ACSL3: variants seen among roughly 807,000 people sequenced by gnomAD.
The protein encoded by ACSL3 is acyl-CoA synthetase long chain family member 3.
In ACSL3, 34 loss-of-function variants were observed where a neutral mutation model predicts 84.7. The observed-to-expected ratio is 0.40, with a 90% CI of 0.31 to 0.53. The LOEUF is 0.53. Ranked by LOEUF, ACSL3 falls within the 20% of genes least tolerant of loss-of-function variation. The pLI, the probability that ACSL3 is intolerant of heterozygous loss-of-function variation, is 0.48. For missense variants in ACSL3, 680 were observed against 873.1 expected, an observed-to-expected ratio of 0.78 and a Z score of 2.79; for synonymous variants, 315 against 299.4, an observed-to-expected ratio of 1.05 and a Z score of -0.54.
intron 1 of ACSL3, among the ~76,000 whole-genome samples, chr2:222,876,812 C>T (rs930409249): frequency 2.6e-5 from 4 of 151,340 alleles, no homozygotes; most frequent in African/African-American, 9.7e-5. Context: ...GACAGAAAAG[C>T]AAAGTTAAAA....
intron 1 of ACSL3, among the ~76,000 whole-genome samples, chr2:222,870,378 A>G (rs1484858195): frequency 1.3e-5 from 2 of 152,170 alleles, no homozygotes; most frequent in African/African-American, 2.4e-5. Flanking sequence ...CAAGATTCTC[A>G]TGGAAACCAT....
At position 222,942,546 on chromosome 2, in the gene ACSL3, A is replaced by G. The variant is rs1178423836; in HGVS notation, c.*892A>G. On this transcript the variant is annotated 3_prime_UTR_variant, in exon 17 of 17. Transcript: ENST00000357430. ...TTATTCTTTGAATATTTCGTTGACT[A>G]TATGTACATTGAGTTATCTATATTT... is the stretch of plus-strand genomic sequence containing the variant. The G allele has an allele frequency of 5.1e-6, 1 of 194,464 alleles. No individual in the cohort carries two copies. The highest frequency in any genetic ancestry group is 2.3e-5 in the African/African-American group (1 of 43,220). The allele number at this position is 194,464 out of a possible 1,614,324, so 12.0% of individuals were successfully genotyped here.
At chr2:222,883,039 A>G (rs944045374) in intron 1 of ACSL3, among the ~76,000 whole-genome samples, 4 of 151,932 alleles carry the variant, frequency 2.6e-5, no homozygotes, top group African/African-American at 9.7e-5. Context: ...AAGTGCTGGG[A>G]TTACAGGCAT....
intron 6 of ACSL3, 115 bp downstream of exon 6, chr2:222,918,270 T>G (rs1211483801): frequency 1.9e-6 from 1 of 539,598 alleles, no homozygotes; most frequent in Non-Finnish European, 3.2e-6. Context: ...CTTTGTGGAC[T>G]TTTATGAATA....
chr2:222,926,111 A>G (rs996022959), intron 11 of ACSL3, among the ~76,000 whole-genome samples: 4 of 152,222 alleles, frequency 2.6e-5, no homozygotes, highest in Non-Finnish European at 5.9e-5. Context: ...ATTCTGGGGA[A>G]AAAACAATAA....
intron 1 of ACSL3, among the ~76,000 whole-genome samples, chr2:222,869,268 T>G (rs919257733): frequency 4.6e-5 from 7 of 152,198 alleles, no homozygotes; most frequent in Admixed American, 2.0e-4. Context: ...AGCCTTCCAT[T>G]TCAATTTCTG....
chr2:222,939,268 C>T (rs1177745752), intron 16 of ACSL3, among the ~76,000 whole-genome samples: 1 of 152,160 alleles, frequency 6.6e-6, no homozygotes, highest in East Asian at 1.9e-4. Flanking sequence ...AGGACTTTGT[C>T]CAGTCAGCCC....
At chr2:222,874,277 G>A (rs998771588) in intron 1 of ACSL3, among the ~76,000 whole-genome samples, 1 of 152,104 alleles carries the variant, frequency 6.6e-6, no homozygotes, top group Non-Finnish European at 1.5e-5. Flanking sequence ...CGTCTGCCTC[G>A]GTCTCCCAAG....
intron 2 of ACSL3, among the ~76,000 whole-genome samples, chr2:222,889,990 A>G (rs938322841): frequency 2.6e-5 from 4 of 152,246 alleles, no homozygotes; most frequent in African/African-American, 9.6e-5. Flanking sequence ...TAAAGAATTT[A>G]AAGATAAAAA....
rs1044793895 is a variant in ACSL3 at position 222,944,628 on chromosome 2, T to G, written c.*2974T>G. 6.6e-6 allele frequency: 1 copy of G among 151,380 alleles called. No individual in the cohort carries two copies. Among genetic ancestry groups the G allele is most frequent in the African/African-American group, 2.4e-5 (1 of 41,280 alleles). The allele number at this position is 151,380 out of a possible 1,614,324, so 9.4% of individuals were successfully genotyped here. ...ATAAAGATCTATAAAAGTTGAAGTT[T>G]CTGATATTAAAGCTCTTAATATATT... is the stretch of plus-strand genomic sequence containing the variant. On this transcript the variant is annotated 3_prime_UTR_variant, in exon 17 of 17. Transcript: ENST00000357430.
At chr2:222,875,890 C>T (rs1695434231) in intron 1 of ACSL3, among the ~76,000 whole-genome samples, 1 of 152,092 alleles carries the variant, frequency 6.6e-6, no homozygotes, top group Non-Finnish European at 1.5e-5. Flanking sequence ...TTCATAAAAT[C>T]AGCCAACATT....
intron 1 of ACSL3, among the ~76,000 whole-genome samples, chr2:222,882,380 TCTTA>T (rs1347125040): frequency 6.6e-6 from 1 of 152,188 alleles, no homozygotes; most frequent in Non-Finnish European, 1.5e-5. Context: ...CCATTATGAT[TCTTA>T]CTTCTTTATA....
chr2:222,906,131 T>C (rs891884696), intron 3 of ACSL3, among the ~76,000 whole-genome samples: 9 of 152,218 alleles, frequency 5.9e-5, no homozygotes, highest in African/African-American at 1.7e-4. Context: ...CCAGGGCTGC[T>C]GCTTGTTGTG....
rs375762960 is a variant in ACSL3, at chr2:222,924,566, A to C, written c.1263A>C (p.Ser421=). 33 of 1,610,046 alleles carry C rather than the reference A, an allele frequency of 2.0e-5. No homozygotes were observed. In the African/African-American group the frequency reaches 4.3e-4, roughly 21 times the overall value. Residue 421 remains serine, a synonymous_variant, in exon 11 of 17, where the codon TCA becomes TCC. Transcript: ENST00000357430. The part of the protein sequence containing the change: ...LAYNYKMEQI[S]KGRNTPLCDS... Reference sequence around the variant, plus strand: ...ATAATTACAAAATGGAACAGATTTCAAAAGGACGTAATACTCCACTGTGCG... The same window carrying C: ...ATAATTACAAAATGGAACAGATTTCCAAAGGACGTAATACTCCACTGTGCG...
chr2:222,920,965 G>A (rs1696718175), intron 7 of ACSL3: 1 of 498,292 alleles, frequency 2.0e-6, no homozygotes, highest in Non-Finnish European at 4.1e-6. Flanking sequence ...CTTTATTCAG[G>A]CCTTTGCTAA....
chr2:222,911,927 T>C (rs541425304), intron 4 of ACSL3, among the ~76,000 whole-genome samples: 1 of 152,366 alleles, frequency 6.6e-6, no homozygotes, highest in South Asian at 2.1e-4. Context: ...TTTTTCTGTC[T>C]ATAGTTCATT....
chr2:222,866,750 CCCG>C (rs1559273448), intron 1 of ACSL3, among the ~76,000 whole-genome samples: 15 of 43,102 alleles, frequency 3.5e-4, no homozygotes, highest in African/African-American at 4.1e-4. Context: ...CCCTGCCCCC[CCCG>C]CCCCCCCCCC....
At position 222,922,188 on chromosome 2, in the gene ACSL3, A is replaced by G. The variant is rs574326805; in HGVS notation, c.957-520A>G. 3.3e-5 allele frequency among the ~76,000 whole-genome samples: 5 copies of G among 152,288 alleles called. No individual in the cohort carries two copies. In the South Asian group the frequency reaches 8.3e-4, roughly 25 times the overall value. ...ATACAAATACTTACACATTTTCTGTATATTAAGATCTAATTTATTATGTAA... is the reference window on the plus strand; with the variant it reads ...ATACAAATACTTACACATTTTCTGTGTATTAAGATCTAATTTATTATGTAA... On this transcript the variant is annotated intron_variant, in intron 8 of 16. Coordinates refer to ENST00000357430, the MANE Select transcript of ACSL3 (RefSeq NM_004457.5).
chr2:222,940,972 C>G (rs779733381), intron 16 of ACSL3, among the ~76,000 whole-genome samples: 2 of 152,016 alleles, frequency 1.3e-5, no homozygotes, highest in Non-Finnish European at 2.9e-5. Context: ...ACGATCATAG[C>G]TCACTGCATC....
Sources: allele counts gnomAD v4.1 joint callset (sites outside exome capture counted in the v4.1 genomes callset), GRCh38; gene constraint gnomAD v4.1.1; transcripts MANE v1.5; gene names NCBI Gene and HGNC (gene_info 2026-07-23, HGNC 2026-07-21).